The following SOX5 variants were observed in gnomAD, a reference collection of about 807,000 sequenced individuals.
The protein encoded by SOX5 is SRY-box transcription factor 5, also known as transcription factor SOX-5.
SOX5 carries 9 observed loss-of-function variants against 92.0 expected under a neutral mutation model. That is an observed-to-expected ratio of 0.10 (90% confidence interval 0.06 to 0.17). The LOEUF (loss-of-function observed/expected upper bound fraction) is 0.17. Ranked by LOEUF, SOX5 falls within the 10% of genes least tolerant of loss-of-function variation. SOX5 has a pLI of 1.00. For synonymous variants in SOX5, 344 were observed against 336.3 expected (o/e 1.02, Z -0.25); for missense variants, 642 against 944.5 (o/e 0.68, Z 4.20).
intron 1 of SOX5, among the ~76,000 whole-genome samples, chr12:24,455,262 A>G (rs1942872458): frequency 6.6e-6 from 1 of 152,230 alleles, no homozygotes; most frequent in African/African-American, 2.4e-5. Flanking sequence ...TGACGCAGGA[A>G]GAGTTCCTCT....
At chr12:23,884,070 C>A (rs929622094) in intron 2 of SOX5, among the ~76,000 whole-genome samples, 1 of 152,070 alleles carries the variant, frequency 6.6e-6, no homozygotes, top group Non-Finnish European at 1.5e-5. Flanking sequence ...GATCACAGAA[C>A]TTAAACATTT....
chr12:24,316,625 T>C (rs1414149608), intron 2 of SOX5, among the ~76,000 whole-genome samples: 3 of 152,178 alleles, frequency 2.0e-5, no homozygotes, highest in Non-Finnish European at 4.4e-5. Context: ...TTCACAAGCT[T>C]CACCATCTCT....
At chr12:23,979,016 G>A (rs1217353820) in intron 4 of SOX5, among the ~76,000 whole-genome samples, 2 of 151,960 alleles carry the variant, frequency 1.3e-5, no homozygotes, top group Non-Finnish European at 1.5e-5. Flanking sequence ...ATCAATTAAG[G>A]CAATATCTAC....
intron 4 of SOX5, among the ~76,000 whole-genome samples, chr12:24,160,294 A>C (rs1444639799): frequency 6.6e-6 from 1 of 152,186 alleles, no homozygotes; most frequent in East Asian, 1.9e-4. Context: ...TAGGAAAAAT[A>C]TATAGAAGAA....
intron 4 of SOX5, among the ~76,000 whole-genome samples, chr12:24,061,974 G>A (rs1939809041): frequency 6.6e-6 from 1 of 151,908 alleles, no homozygotes; most frequent in Admixed American, 6.6e-5. Context: ...GTTTCATATA[G>A]CCATTTGAGA....
At chr12:24,439,677 G>A (rs979077889) in intron 1 of SOX5, among the ~76,000 whole-genome samples, 5 of 152,156 alleles carry the variant, frequency 3.3e-5, no homozygotes, top group Non-Finnish European at 5.9e-5. Context: ...GGTGGAGGAA[G>A]AGGTCAGGAG....
At chr12:23,693,394 G>A (rs1026734343) in intron 6 of SOX5, among the ~76,000 whole-genome samples, 10 of 152,104 alleles carry the variant, frequency 6.6e-5, no homozygotes, top group African/African-American at 2.4e-4. Context: ...AAAGTGCTGG[G>A]ATTACAGGGG....
chr12:24,104,207 G>T (rs1946413189), intron 4 of SOX5, among the ~76,000 whole-genome samples: 1 of 152,124 alleles, frequency 6.6e-6, no homozygotes, highest in African/African-American at 2.4e-5. Flanking sequence ...AAATTTACAT[G>T]TTGAGATACA....
At chr12:24,004,482 A>T (rs1405825811) in intron 4 of SOX5, among the ~76,000 whole-genome samples, 1 of 152,138 alleles carries the variant, frequency 6.6e-6, no homozygotes, top group Non-Finnish European at 1.5e-5. Flanking sequence ...ATCAAAGAAG[A>T]TGCACAAGGA....
chr12:23,929,588 GA>G (rs1164810136), intron 1 of SOX5, among the ~76,000 whole-genome samples: 4 of 150,528 alleles, frequency 2.7e-5, no homozygotes, highest in Admixed American at 6.6e-5. Flanking sequence ...TGTGAAAGAG[GA>G]AAAAAAACAA....
intron 4 of SOX5, among the ~76,000 whole-genome samples, chr12:23,970,211 A>C (rs1444819880): frequency 6.8e-6 from 1 of 147,080 alleles, no homozygotes; most frequent in African/African-American, 2.6e-5. Flanking sequence ...GGAGCACCTC[A>C]AAAACTTTCA....
intron 6 of SOX5, among the ~76,000 whole-genome samples, chr12:23,704,295 C>T (rs2091069396): frequency 6.6e-6 from 1 of 151,802 alleles, no homozygotes; most frequent in African/African-American, 2.4e-5. Flanking sequence ...ATAAGACTGA[C>T]AGCCATATCT....
intron 4 of SOX5, among the ~76,000 whole-genome samples, chr12:23,749,073 AAAGGT>A (rs1406405034): frequency 6.6e-6 from 1 of 151,952 alleles, no homozygotes; most frequent in African/African-American, 2.4e-5. Flanking sequence ...CAAAAAGAGA[AAAGGT>A]AGACCTCCCC....
At chr12:23,851,554 A>G (rs552746323) in intron 2 of SOX5, among the ~76,000 whole-genome samples, 101 of 133,582 alleles carry the variant, frequency 7.6e-4, no homozygotes, top group Non-Finnish European at 1.4e-3. Context: ...GTCAGCACTT[A>G]CAGACAGACC....
chr12:23,680,486 A>G (rs1221236148), intron 6 of SOX5, among the ~76,000 whole-genome samples: 1 of 152,016 alleles, frequency 6.6e-6, no homozygotes, highest in Non-Finnish European at 1.5e-5. Flanking sequence ...TGGAAAATAT[A>G]AAAGAGAGGT....
At chr12:24,464,188 T>C (rs1394760634) in intron 1 of SOX5, among the ~76,000 whole-genome samples, 2 of 152,196 alleles carry the variant, frequency 1.3e-5, no homozygotes, top group African/African-American at 4.8e-5. Flanking sequence ...TGTTTATGTA[T>C]GTTTATATGA....
At chr12:23,715,965 T>C (rs1427351016) in intron 6 of SOX5, among the ~76,000 whole-genome samples, 1 of 152,194 alleles carries the variant, frequency 6.6e-6, no homozygotes, top group East Asian at 1.9e-4. Flanking sequence ...TATTTCCTGG[T>C]CTCTAGCTAA....
At chr12:24,020,822 G>A (rs1328758944) in intron 4 of SOX5, among the ~76,000 whole-genome samples, 1 of 152,180 alleles carries the variant, frequency 6.6e-6, no homozygotes, top group African/African-American at 2.4e-5. Context: ...CTGGACCTGA[G>A]AGACGGCACA....
chr12:23,547,736 G>A (rs1420255604), intron 11 of SOX5, among the ~76,000 whole-genome samples: 1 of 152,034 alleles, frequency 6.6e-6, no homozygotes, highest in African/African-American at 2.4e-5. Flanking sequence ...AAATACAGTA[G>A]AGAAACTGGA....
Sources: gnomAD v4.1 joint callset for allele counts (sites outside exome capture counted in the v4.1 genomes callset) on GRCh38, gnomAD v4.1.1 for gene constraint, MANE v1.5 for transcripts, NCBI Gene and HGNC (gene_info 2026-07-23, HGNC 2026-07-21) for gene names.